The following SCAF8 variants were observed in gnomAD, a reference collection of about 807,000 sequenced individuals.
SCAF8 encodes SR-related and CTD-associated factor 8.
Under a neutral mutation model 140.5 loss-of-function variants are expected in SCAF8, and 23 were observed. That is an observed-to-expected ratio of 0.16 (90% CI 0.12 to 0.23). SCAF8 has a LOEUF of 0.23. Among genes scored for constraint, SCAF8 ranks in the 10% least tolerant of loss-of-function variants. SCAF8 has a pLI of 1.00. For synonymous variants in SCAF8, 575 were observed against 528.9 expected, an observed-to-expected ratio of 1.09 and a Z score of -1.20; for missense variants, 1,397 against 1,555.7, an observed-to-expected ratio of 0.90 and a Z score of 1.72.
intron 6 of SCAF8, among the ~76,000 whole-genome samples, chr6:154,796,429 C>A (rs961232981): frequency 2.1e-4 from 31 of 149,254 alleles, no homozygotes; most frequent in African/African-American, 7.0e-4. Flanking sequence ...TTCACGCTAT[C>A]CTTTGAGGCA....
rs773562675 is a variant in SCAF8 at position 154,832,708 on chromosome 6, A to G, written c.3129A>G (p.Ile1043Met). Residue 1043 changes from isoleucine (I) to methionine (M), a missense_variant, in exon 20 of 20, where the codon ATA (isoleucine) becomes ATG (methionine). By Grantham distance (10) the Ile-to-Met change is conservative. Transcript: ENST00000367178. ...TTAGAGATGTGGTTGGGCGGCCTAT[A>G]GATCCAAGAGAAGGTCCTGGACGGC... ...VDVRDVVGRPIDPREGPGRPP... is the reference protein window; with the variant it reads ...VDVRDVVGRPMDPREGPGRPP... 6.2e-7 allele frequency: 1 copy of G among 1,614,028 alleles called. No homozygotes were observed. Among genetic ancestry groups the G allele is most frequent in the Middle Eastern group, 1.7e-4 (1 of 6,060 alleles).
intron 1 of SCAF8, among the ~76,000 whole-genome samples, chr6:154,760,049 T>G (rs1311499525): frequency 6.6e-6 from 1 of 152,134 alleles, no homozygotes; most frequent in East Asian, 1.9e-4. Context: ...CCCAGTACTT[T>G]GGAGGCTGAG....
intron 3 of SCAF8, among the ~76,000 whole-genome samples, chr6:154,784,120 G>GATATATATGTGTATATATATAT (rs1554260630): frequency 9.4e-6 from 1 of 106,832 alleles, no homozygotes; most frequent in African/African-American, 3.2e-5. Flanking sequence ...GGTGTCTTGA[G>GATATATATGTGTATATATATAT]ATATATATAT....
chr6:154,815,681 A>G, intron 12 of SCAF8, 35 bp from the exon 13 acceptor site: 3 of 1,219,728 alleles, frequency 2.5e-6, no homozygotes, highest in Non-Finnish European at 3.6e-6. Flanking sequence ...CTATGTCTAA[A>G]TGATTTAGGT....
chr6:154,800,169 A>G (rs1777733391), intron 6 of SCAF8, among the ~76,000 whole-genome samples: 1 of 151,152 alleles, frequency 6.6e-6, no homozygotes, highest in Admixed American at 6.6e-5. Context: ...TTCCTTCCTT[A>G]GCACTTACTA....
Position 154,831,951 on chromosome 6 carries a change from A to T in SCAF8, c.2372A>T (p.Asp791Val), listed in dbSNP as rs1432811936. ...TCTTTTTTTTTAGTGATTCCAAATG[A>T]TATTTCAAGTAATGCTGCAATTTTA... The part of the protein sequence containing the change: ...GENTRSVIPN[D>V]ISSNAAILGG... The change falls in exon 20 of 20, where the codon GAT (aspartate) becomes GTT (valine). Residue 791 changes from aspartate (D) to valine (V), a missense_variant. Physicochemically the swap from Asp to Val is radical, Grantham distance 152. Around this residue, in one of 5 missense-constraint regions of SCAF8, gnomAD observed 930 missense variants for 874.6 expected, o/e 1.06. Transcript: ENST00000367178. The T allele has an allele frequency of 6.3e-7, 1 of 1,589,622 alleles. No homozygotes were observed. The highest frequency in any genetic ancestry group is 1.9e-5 in the Admixed American group (1 of 53,574).
At chr6:154,771,449 A>G (rs1305848350) in intron 1 of SCAF8, among the ~76,000 whole-genome samples, 1 of 152,194 alleles carries the variant, frequency 6.6e-6, no homozygotes, top group Non-Finnish European at 1.5e-5. Context: ...ATAGTGTAAG[A>G]TGAGGCTGGA....
intron 18 of SCAF8, among the ~76,000 whole-genome samples, chr6:154,827,837 G>GGC (rs1778611751): frequency 6.7e-6 from 1 of 148,276 alleles, no homozygotes. Context: ...GGCGGGGCGG[G>GGC]GGGGGGGGCG....
chr6:154,753,136 C>T (rs555187109), intron 1 of SCAF8, among the ~76,000 whole-genome samples: 1 of 152,040 alleles, frequency 6.6e-6, no homozygotes, highest in East Asian at 1.9e-4. Flanking sequence ...CGAGACCAGC[C>T]TGGCCAACAT....
intron 5 of SCAF8, among the ~76,000 whole-genome samples, chr6:154,794,084 G>C (rs1394821729): frequency 6.6e-6 from 1 of 151,792 alleles, no homozygotes; most frequent in Non-Finnish European, 1.5e-5. Flanking sequence ...ACCATGCCTG[G>C]CTAATTTTTT....
chr6:154,794,964 C>G (rs761143576), intron 5 of SCAF8, 45 bp from the exon 6 acceptor site: 23 of 1,524,834 alleles, frequency 1.5e-5, no homozygotes, highest in Non-Finnish European at 1.9e-5. Flanking sequence ...GTCTTAGTTA[C>G]TTACTTACAT....
chr6:154,803,456 G>A, intron 7 of SCAF8, 88 bp from the exon 8 acceptor site: 1 of 848,604 alleles, frequency 1.2e-6, no homozygotes, highest in Non-Finnish European at 2.0e-6. Context: ...AGATATAACG[G>A]AATGCCATTG....
intron 5 of SCAF8, among the ~76,000 whole-genome samples, chr6:154,794,782 T>TGG (rs1777546618): frequency 3.7e-4 from 2 of 5,394 alleles, no homozygotes; most frequent in Non-Finnish European, 5.4e-4. Context: ...GTGTGGGGGG[T>TGG]GTGTGTGTGT....
chr6:154,766,667 C>CA (rs1366469596), intron 1 of SCAF8, among the ~76,000 whole-genome samples: 7 of 101,478 alleles, frequency 6.9e-5, no homozygotes, highest in Non-Finnish European at 9.5e-5. Flanking sequence ...GCACCCCCCC[C>CA]CCTTTTTTTT....
chr6:154,795,425 G>A (rs995391377), intron 6 of SCAF8, among the ~76,000 whole-genome samples: 2 of 152,140 alleles, frequency 1.3e-5, no homozygotes, highest in African/African-American at 4.8e-5. Flanking sequence ...AACAAGACAG[G>A]AGTCCTATCT....
At chr6:154,758,866 C>T (rs971185893) in intron 1 of SCAF8, among the ~76,000 whole-genome samples, 1 of 152,192 alleles carries the variant, frequency 6.6e-6, no homozygotes, top group African/African-American at 2.4e-5. Flanking sequence ...CTTCCCTCCT[C>T]CTCTACAGCA....
chr6:154,735,436 T>G (rs1167147337), intron 1 of SCAF8, among the ~76,000 whole-genome samples: 2 of 152,132 alleles, frequency 1.3e-5, no homozygotes, highest in Non-Finnish European at 2.9e-5. Context: ...ATACATAACT[T>G]TTTTTGGAAA....
At chr6:154,831,763 T>C (rs990822045) in intron 19 of SCAF8, among the ~76,000 whole-genome samples, 176 bp from the exon 20 acceptor site, 15 of 141,488 alleles carry the variant, frequency 1.1e-4, no homozygotes, top group African/African-American at 4.0e-4. Flanking sequence ...TTAGAAAGGC[T>C]TTTATTAAAG....
chr6:154,739,141 A>G (rs905384020), intron 1 of SCAF8, among the ~76,000 whole-genome samples: 5 of 152,082 alleles, frequency 3.3e-5, no homozygotes, highest in African/African-American at 1.2e-4. Context: ...ATGTGCCACT[A>G]TGCACACCTA....
Sources: gnomAD v4.1 joint callset for allele counts (sites outside exome capture counted in the v4.1 genomes callset) on GRCh38, gnomAD v4.1.1 for gene constraint, gnomAD v4.1.1 regional missense constraint, MANE v1.5 for transcripts, NCBI Gene and HGNC (gene_info 2026-07-23, HGNC 2026-07-21) for gene names.